The following PCDHA10 variants were observed in gnomAD, a reference collection of about 807,000 sequenced individuals.
The protein encoded by PCDHA10 is protocadherin alpha 10, also known as protocadherin alpha-10.
Under a neutral mutation model 61.2 loss-of-function variants are expected in PCDHA10, and 45 were observed. The observed-to-expected ratio is 0.74, with a 90% CI of 0.58 to 0.94. PCDHA10 has a LOEUF of 0.94. Ranked by LOEUF, PCDHA10 falls within the 40% of genes least tolerant of loss-of-function variation. The pLI, the probability that PCDHA10 is intolerant of heterozygous loss-of-function variation, is 0.00. For synonymous variants in PCDHA10, 602 were observed against 548.8 expected (o/e 1.10, Z -1.35); for missense variants, 1,278 against 1,236.2 (o/e 1.03, Z -0.51).
intron 1 of PCDHA10, chr5:140,877,494 G>A: frequency 6.2e-7 from 1 of 1,613,890 alleles, no homozygotes; most frequent in Non-Finnish European, 8.5e-7. Context: ...AGAACGGCCA[G>A]GCCCCAAAGA....
chr5:140,865,345 A>T (rs555567469), intron 1 of PCDHA10: 4 of 152,320 alleles, frequency 2.6e-5, no homozygotes, highest in African/African-American at 9.6e-5. Context: ...GAAATAGTAT[A>T]TTTACATATT....
At chr5:140,921,832 A>G (rs1276240870) in intron 1 of PCDHA10, among the ~76,000 whole-genome samples, 1 of 152,120 alleles carries the variant, frequency 6.6e-6, no homozygotes, top group African/African-American at 2.4e-5. Flanking sequence ...CTATACACAT[A>G]TAGACATATT....
At chr5:140,918,694 T>C (rs1260893633) in intron 1 of PCDHA10, among the ~76,000 whole-genome samples, 2 of 152,186 alleles carry the variant, frequency 1.3e-5, no homozygotes, top group Non-Finnish European at 2.9e-5. Flanking sequence ...CAAACATAAT[T>C]AAGTCATGAG....
chr5:140,983,704 A>T (rs1364816662), intron 3 of PCDHA10, among the ~76,000 whole-genome samples: 3 of 152,226 alleles, frequency 2.0e-5, no homozygotes, highest in Non-Finnish European at 4.4e-5. Flanking sequence ...AAATCCAAGT[A>T]TATCTAGCAC....
chr5:140,996,172 C>G (rs1694773459), intron 3 of PCDHA10, among the ~76,000 whole-genome samples: 1 of 152,210 alleles, frequency 6.6e-6, no homozygotes, highest in African/African-American at 2.4e-5. Flanking sequence ...AATGTGCTGA[C>G]AGCACCTCCA....
chr5:140,903,049 A>G (rs2069961526), intron 1 of PCDHA10, among the ~76,000 whole-genome samples: 1 of 152,080 alleles, frequency 6.6e-6, no homozygotes, highest in Non-Finnish European at 1.5e-5. Flanking sequence ...TTTTCATGTA[A>G]TGACTTCTTT....
chr5:140,902,956 G>A (rs1356131798), intron 1 of PCDHA10, among the ~76,000 whole-genome samples: 3 of 152,242 alleles, frequency 2.0e-5, no homozygotes, highest in Non-Finnish European at 4.4e-5. Context: ...TTATCCACTT[G>A]TTGGCTGATG....
chr5:140,872,246 G>A (rs2053563930), intron 1 of PCDHA10, among the ~76,000 whole-genome samples: 1 of 151,488 alleles, frequency 6.6e-6, no homozygotes, highest in Non-Finnish European at 1.5e-5. Flanking sequence ...TTATTCCTGT[G>A]ATAATACTTG....
intron 1 of PCDHA10, chr5:140,968,772 C>T (rs782257554): frequency 1.2e-6 from 2 of 1,614,180 alleles, no homozygotes; most frequent in South Asian, 1.1e-5. Context: ...GGAGAGCCAT[C>T]ACTATCAGCC....
intron 1 of PCDHA10, chr5:140,871,020 A>C (rs1554164982): frequency 6.2e-7 from 1 of 1,613,302 alleles, no homozygotes; most frequent in East Asian, 2.2e-5. Context: ...TGGACGAGGC[A>C]GACTCGCCGC....
intron 1 of PCDHA10, among the ~76,000 whole-genome samples, chr5:140,888,561 G>A (rs2061877783): frequency 6.6e-6 from 1 of 152,156 alleles, no homozygotes; most frequent in South Asian, 2.1e-4. Flanking sequence ...TTCCTTTCAA[G>A]GCTTCATTTT....
chr5:140,899,402 G>T (rs1465071147), intron 1 of PCDHA10, among the ~76,000 whole-genome samples: 2 of 152,004 alleles, frequency 1.3e-5, no homozygotes, highest in South Asian at 2.1e-4. Context: ...TAGCATGAAG[G>T]GTTGTTGAAT....
chr5:140,926,641 C>A, intron 1 of PCDHA10: 1 of 460,388 alleles, frequency 2.2e-6, no homozygotes, highest in Non-Finnish European at 3.6e-6. Flanking sequence ...TCCTCAACAC[C>A]CGGCCGGCTC....
In PCDHA10 at chr5:140,858,699, A is replaced by T; in HGVS notation, c.2388+263A>T. ...GAATACACTAATATTTTCCAATACAAATATGTGATATAGGTTGCAGTTCTG... is the reference window on the plus strand; with the variant it reads ...GAATACACTAATATTTTCCAATACATATATGTGATATAGGTTGCAGTTCTG... On this transcript the variant is annotated intron_variant, in intron 1 of 3. Coordinates refer to ENST00000307360, the MANE Select transcript of PCDHA10 (RefSeq NM_018901.4). 3.6e-6 allele frequency: 2 copies of T among 561,894 alleles called. 1 individual carries two copies. The highest frequency in any genetic ancestry group is 6.1e-6 in the Non-Finnish European group (2 of 326,852). 34.8% of individuals were successfully genotyped at this position (561,894 alleles called of 1,614,324 possible).
intron 3 of PCDHA10, among the ~76,000 whole-genome samples, chr5:140,993,515 G>T (rs1351377291): frequency 6.7e-6 from 1 of 149,364 alleles, no homozygotes; most frequent in East Asian, 1.9e-4. Context: ...CACACGGGGA[G>T]AGAGAGACAG....
chr5:140,877,377 C>T (rs575601254), intron 1 of PCDHA10: 2 of 1,614,008 alleles, frequency 1.2e-6, no homozygotes, highest in Non-Finnish European at 1.7e-6. Context: ...GCACGACACG[C>T]ATCCTGGATG....
At chr5:140,881,333 G>A (rs1554171980) in intron 1 of PCDHA10, 1 of 984,778 alleles carries the variant, frequency 1.0e-6, no homozygotes, top group Admixed American at 6.1e-5. Context: ...TAACCAGGAC[G>A]CCGATTCGGG....
At chr5:140,874,970 G>A (rs186825854) in intron 1 of PCDHA10, among the ~76,000 whole-genome samples, 1 of 152,280 alleles carries the variant, frequency 6.6e-6, no homozygotes, top group Admixed American at 6.5e-5. Flanking sequence ...AAGGGGAGGG[G>A]TGCTGTATAT....
At chr5:140,872,997 A>G (rs1391702817) in intron 1 of PCDHA10, among the ~76,000 whole-genome samples, 2 of 152,104 alleles carry the variant, frequency 1.3e-5, no homozygotes, top group East Asian at 3.9e-4. Flanking sequence ...TTTACTTCTG[A>G]GTCATTCTTC....
Sources: allele counts gnomAD v4.1 joint callset (sites outside exome capture counted in the v4.1 genomes callset), GRCh38; gene constraint gnomAD v4.1.1; transcripts MANE v1.5; gene names NCBI Gene and HGNC (gene_info 2026-07-23, HGNC 2026-07-21).